Variants in BRAF observed in about 807,000 individuals in gnomAD.
BRAF encodes the protein B-Raf proto-oncogene, serine/threonine kinase, also known as serine/threonine-protein kinase B-raf.
In BRAF, 16 loss-of-function variants were observed where a neutral mutation model predicts 104.6. That is an observed-to-expected ratio of 0.15 (90% CI 0.10 to 0.23). BRAF has a LOEUF of 0.23. BRAF is among the 10% of genes least tolerant of loss of function. The pLI is 1.00. For synonymous variants in BRAF, 310 were observed against 341.6 expected (o/e 0.91, Z 1.02); for missense variants, 541 against 937.3 (o/e 0.58, Z 5.52).
chr7:140,723,568 T>C lies in BRAF; in HGVS notation c.*2926A>G. 1.9e-6 allele frequency: 2 copies of C among 1,048,624 alleles called. No homozygotes were observed. Among genetic ancestry groups the C allele is most frequent in the Non-Finnish European group, 2.3e-6 (2 of 868,906 alleles). The allele number at this position is 1,048,624 out of a possible 1,614,324, so 65.0% of individuals were successfully genotyped here. On this transcript the variant is annotated 3_prime_UTR_variant, in exon 20 of 20. Coordinates refer to ENST00000644969, the MANE Select transcript of BRAF (RefSeq NM_001374258.1). ...TTCACAAATCCCTTTTATAAACTATTTTTTTGGTCAATATTATTTCAGTGG... is the reference window on the plus strand; with the variant it reads ...TTCACAAATCCCTTTTATAAACTATCTTTTTGGTCAATATTATTTCAGTGG...
intron 18 of BRAF, among the ~76,000 whole-genome samples, chr7:140,738,711 G>A (rs1796649706): frequency 6.6e-6 from 1 of 152,072 alleles, no homozygotes; most frequent in Non-Finnish European, 1.5e-5. Context: ...CCACCTCCTG[G>A]GTTCAAGCGA....
chr7:140,843,117 T>TTAA (rs1379845127), intron 2 of BRAF, among the ~76,000 whole-genome samples: 7 of 152,294 alleles, frequency 4.6e-5, no homozygotes, highest in Middle Eastern at 3.4e-3. Flanking sequence ...ATTTTTGACT[T>TTAA]ATTAGACTCT....
intron 1 of BRAF, among the ~76,000 whole-genome samples, chr7:140,859,680 T>G (rs1562999948): frequency 6.7e-6 from 1 of 149,968 alleles, no homozygotes. Context: ...AAAAACTGAT[T>G]GTAAATTTTT....
rs114485935 is a variant in BRAF, at chr7:140,760,555, G to A, written c.1815-6322C>T. The stretch of plus-strand genomic sequence containing the variant: ...AAGTCTTTTGAGAAGTTTTACTGTC[G>A]AAGGAAGAAGAGGAATGAGGTAATA... On this transcript the variant is annotated intron_variant, in intron 14 of 19. Transcript: ENST00000644969. Among the ~76,000 whole-genome samples the A allele has an allele frequency of 5.2e-3, 792 of 152,152 alleles. 4 individuals carry two copies. Among genetic ancestry groups the A allele is most frequent in the African/African-American group, 0.018 (738 of 41,508 alleles).
chr7:140,905,956 C>T (rs919659959), intron 1 of BRAF, among the ~76,000 whole-genome samples: 4 of 148,228 alleles, frequency 2.7e-5, no homozygotes, highest in Non-Finnish European at 6.0e-5. Flanking sequence ...GGCGTAGTGG[C>T]GGGCGCCTGT....
At chr7:140,763,639 C>A (rs558233022) in intron 14 of BRAF, among the ~76,000 whole-genome samples, 70 of 152,276 alleles carry the variant, frequency 4.6e-4, no homozygotes, top group African/African-American at 1.6e-3. Flanking sequence ...CACAGAAATA[C>A]AAACTACCAT....
At chr7:140,873,318 G>C (rs967320199) in intron 1 of BRAF, among the ~76,000 whole-genome samples, 2 of 152,084 alleles carry the variant, frequency 1.3e-5, no homozygotes, top group African/African-American at 4.8e-5. Context: ...TTACAGGCAT[G>C]CACCACCATG....
chr7:140,721,770 C>T lies in BRAF; in HGVS notation c.*4724G>A. On this transcript the variant is annotated 3_prime_UTR_variant, in exon 20 of 20. Coordinates refer to ENST00000644969, the MANE Select transcript of BRAF (RefSeq NM_001374258.1). The stretch of plus-strand genomic sequence containing the variant: ...GGAATGAAACAAGATACAAGAACCA[C>T]AGCATGGAATATGTTTTCTTTTACA... The T allele has an allele frequency of 1.4e-6, 2 of 1,472,402 alleles. No individual in the cohort carries two copies. The highest frequency in any genetic ancestry group is 2.7e-5 in the South Asian group (2 of 73,148). The allele number at this position is 1,472,402 out of a possible 1,614,324, so 91.2% of individuals were successfully genotyped here.
intron 14 of BRAF, among the ~76,000 whole-genome samples, chr7:140,756,407 G>C (rs1359361737): frequency 6.6e-6 from 1 of 152,094 alleles, no homozygotes; most frequent in Non-Finnish European, 1.5e-5. Context: ...CCCCCAGCTA[G>C]AGAAATGGGA....
intron 5 of BRAF, among the ~76,000 whole-genome samples, chr7:140,804,371 A>G (rs1259941168): frequency 2.0e-5 from 3 of 147,140 alleles, no homozygotes; most frequent in African/African-American, 7.9e-5. Flanking sequence ...CACCTGGCTA[A>G]TTTTTGTATT....
At chr7:140,752,225 G>T (rs1010984648) in intron 16 of BRAF, among the ~76,000 whole-genome samples, 1 of 152,082 alleles carries the variant, frequency 6.6e-6, no homozygotes, top group Admixed American at 6.6e-5. Flanking sequence ...TTTAGAGATG[G>T]GGTCTCACTA....
intron 1 of BRAF, among the ~76,000 whole-genome samples, chr7:140,896,482 A>T (rs1814911120): frequency 6.6e-6 from 1 of 152,092 alleles, no homozygotes; most frequent in South Asian, 2.1e-4. Context: ...TAATCCCAAC[A>T]CGTTGGGAGG....
At chr7:140,753,579 C>T (rs1029585327) in intron 15 of BRAF, 186 bp from the exon 15 acceptor site, 8 of 479,930 alleles carry the variant, frequency 1.7e-5, no homozygotes, top group African/African-American at 1.6e-4. Flanking sequence ...TTCTATTTAG[C>T]CTATATAACC....
intron 14 of BRAF, among the ~76,000 whole-genome samples, chr7:140,775,422 A>C (rs908498352): frequency 1.3e-5 from 2 of 149,446 alleles, no homozygotes; most frequent in Admixed American, 6.8e-5. Context: ...ATCTTGGCCC[A>C]CTGCAACCTC....
At chr7:140,878,328 T>C (rs1478595620) in intron 1 of BRAF, among the ~76,000 whole-genome samples, 3 of 151,846 alleles carry the variant, frequency 2.0e-5, no homozygotes, top group Admixed American at 2.0e-4. Context: ...GAAGAAAACA[T>C]AGGGGTAAAT....
chr7:140,829,801 C>G (rs1307295942), intron 3 of BRAF, among the ~76,000 whole-genome samples: 1 of 152,182 alleles, frequency 6.6e-6, no homozygotes, highest in East Asian at 1.9e-4. Flanking sequence ...TTCCTGTTGA[C>G]AGTCAGTTGC....
At chr7:140,819,192 T>C (rs967121591) in intron 3 of BRAF, among the ~76,000 whole-genome samples, 2 of 152,198 alleles carry the variant, frequency 1.3e-5, no homozygotes, top group African/African-American at 2.4e-5. Flanking sequence ...TCATTGGTAT[T>C]TATCTATGAA....
At chr7:140,743,730 G>A in intron 17 of BRAF, among the ~76,000 whole-genome samples, 1 of 151,082 alleles carries the variant, frequency 6.6e-6, no homozygotes, top group Non-Finnish European at 1.5e-5. Flanking sequence ...AAAAAAAAAA[G>A]GCACACCTTT....
At chr7:140,911,291 T>C (rs1213936243) in intron 1 of BRAF, among the ~76,000 whole-genome samples, 1 of 152,174 alleles carries the variant, frequency 6.6e-6, no homozygotes, top group Admixed American at 6.5e-5. Flanking sequence ...TAAAATTTAG[T>C]TCCTCAGTCC....
Sources: allele counts gnomAD v4.1 joint callset (sites outside exome capture counted in the v4.1 genomes callset), GRCh38; gene constraint gnomAD v4.1.1; transcripts MANE v1.5; gene names NCBI Gene and HGNC (gene_info 2026-07-23, HGNC 2026-07-21).